The following NUP37 variants were observed in gnomAD, a reference collection of about 807,000 sequenced individuals.
The protein encoded by NUP37 is nucleoporin 37.
NUP37 carries 33 observed loss-of-function variants against 45.4 expected under a neutral mutation model. That is an observed-to-expected ratio of 0.73 (90% CI 0.55 to 0.97). NUP37 has a LOEUF of 0.97. Among genes scored for constraint, NUP37 ranks in the 50% least tolerant of loss-of-function variants. The pLI is 0.00. For synonymous variants in NUP37, 127 were observed against 130.7 expected (o/e 0.97, Z 0.19); for missense variants, 365 against 389.7 (o/e 0.94, Z 0.53).
chr12:102,086,749 G>T (rs763979594), intron 5 of NUP37, among the ~76,000 whole-genome samples: 1 of 152,166 alleles, frequency 6.6e-6, no homozygotes, highest in African/African-American at 2.4e-5. Flanking sequence ...GACAGAACTC[G>T]GTGGGAGGCT....
At chr12:102,102,213 C>T (rs908997549) in intron 3 of NUP37, among the ~76,000 whole-genome samples, 1 of 152,060 alleles carries the variant, frequency 6.6e-6, no homozygotes, top group African/African-American at 2.4e-5. Context: ...GTACAGTGAG[C>T]CATTTTTTCT....
intron 5 of NUP37, among the ~76,000 whole-genome samples, chr12:102,094,086 A>G (rs1027428951): frequency 6.6e-6 from 1 of 152,110 alleles, no homozygotes; most frequent in Admixed American, 6.5e-5. Flanking sequence ...AAAGTGATAA[A>G]TGTGTTTTAG....
chr12:102,112,018 T>C, intron 3 of NUP37, 90 bp downstream of exon 3: 1 of 1,241,598 alleles, frequency 8.1e-7, no homozygotes, highest in Non-Finnish European at 1.1e-6. Flanking sequence ...AAATGGAAAT[T>C]GAGAAAAAAG....
chr12:102,116,298 A>G (rs149216774), intron 2 of NUP37, among the ~76,000 whole-genome samples: 1,587 of 152,334 alleles, frequency 0.01, 21 homozygotes, highest in African/African-American at 0.036. Flanking sequence ...TTGCGAATAC[A>G]ATCCTATGTT....
rs746341112 is a variant in NUP37, at chr12:102,074,419, G to A, written c.916C>T (p.Arg306Ter). The A allele has an allele frequency of 5.6e-6, 9 of 1,612,970 alleles. No individual in the cohort carries two copies. Among genetic ancestry groups the A allele is most frequent in the South Asian group, 3.3e-5 (3 of 90,974 alleles). The change falls in exon 10 of 10, where the codon CGA (arginine) becomes TGA (stop). Residue 306 changes from arginine to a stop codon, truncating the protein, a stop_gained. Transcript: ENST00000552283. LOFTEE classifies it high-confidence loss of function. The part of the protein sequence containing the change: ...VAVGSGLSWH[R>*]TLPLCVIGGD... ...CCAATTACACACAGAGGGAGAGTTC[G>A]ATGCCAGGACAGTCCAGATCCAACG... is the stretch of plus-strand genomic sequence containing the variant.
chr12:102,076,153 T>C (rs1879160199), intron 8 of NUP37, among the ~76,000 whole-genome samples: 2 of 152,222 alleles, frequency 1.3e-5, no homozygotes, highest in Non-Finnish European at 1.5e-5. Flanking sequence ...CACACATCTC[T>C]GAAGTCAGGA....
chr12:102,102,733 G>A (rs1043622012), intron 3 of NUP37, among the ~76,000 whole-genome samples: 1 of 152,160 alleles, frequency 6.6e-6, no homozygotes, highest in Non-Finnish European at 1.5e-5. Context: ...TACAGTTTAA[G>A]GTCTTAAGTT....
intron 2 of NUP37, among the ~76,000 whole-genome samples, chr12:102,115,261 G>A (rs1880431527): frequency 6.6e-6 from 1 of 152,148 alleles, no homozygotes. Flanking sequence ...AAGATGCAGA[G>A]AGAACTGTGC....
chr12:102,099,032 T>TACATAA, intron 5 of NUP37, 74 bp downstream of exon 5: 1 of 996,812 alleles, frequency 1.0e-6, no homozygotes, highest in East Asian at 2.5e-5. Flanking sequence ...GTCACATTTT[T>TACATAA]TTTTCTCATT....
intron 9 of NUP37, chr12:102,074,709 C>T (rs1293973960): frequency 1.8e-5 from 8 of 439,138 alleles, no homozygotes; most frequent in Non-Finnish European, 3.2e-5. Context: ...ACCAACCAAA[C>T]AAGCAAAATT....
chr12:102,080,056 A>C (rs1031146365), intron 6 of NUP37, among the ~76,000 whole-genome samples: 7 of 152,198 alleles, frequency 4.6e-5, no homozygotes, highest in African/African-American at 1.7e-4. Flanking sequence ...TACATACACA[A>C]AACACTGTAT....
At chr12:102,098,185 C>T (rs1201700772) in intron 5 of NUP37, among the ~76,000 whole-genome samples, 2 of 152,156 alleles carry the variant, frequency 1.3e-5, no homozygotes, top group Non-Finnish European at 2.9e-5. Context: ...ACTCCTGACT[C>T]CTCAGCTTAT....
chr12:102,090,039 A>G (rs906064389), intron 5 of NUP37, among the ~76,000 whole-genome samples: 1 of 152,194 alleles, frequency 6.6e-6, no homozygotes, highest in Non-Finnish European at 1.5e-5. Flanking sequence ...ATTCAACTTT[A>G]GCAGGTAGTT....
At chr12:102,108,183 A>G (rs1308205415) in intron 3 of NUP37, among the ~76,000 whole-genome samples, 1 of 152,166 alleles carries the variant, frequency 6.6e-6, no homozygotes, top group Non-Finnish European at 1.5e-5. Flanking sequence ...CACCCTCAGG[A>G]AGACACACCC....
chr12:102,104,063 C>A (rs1297984204), intron 3 of NUP37, among the ~76,000 whole-genome samples: 2 of 152,170 alleles, frequency 1.3e-5, no homozygotes, highest in African/African-American at 4.8e-5. Context: ...ATAGCAGCTG[C>A]ACCATTGCTA....
At chr12:102,095,755 G>C (rs1879786636) in intron 5 of NUP37, among the ~76,000 whole-genome samples, 1 of 151,828 alleles carries the variant, frequency 6.6e-6, no homozygotes, top group South Asian at 2.1e-4. Context: ...TTCCTATTTT[G>C]ATTACCTGTA....
intron 2 of NUP37, among the ~76,000 whole-genome samples, chr12:102,114,360 AC>A (rs5800497): frequency 0.19 from 28,714 of 152,130 alleles, 2,746 homozygotes; most frequent in Non-Finnish European, 0.21. Context: ...AATCTCAGGG[AC>A]TGTACAGCCT....
chr12:102,100,944 T>G, intron 4 of NUP37, 88 bp downstream of exon 4: 1 of 756,026 alleles, frequency 1.3e-6, no homozygotes, highest in Non-Finnish European at 2.1e-6. Flanking sequence ...TAAAAAGCCA[T>G]TTTAAATTGG....
At chr12:102,074,602 A>G (rs991123135) in intron 9 of NUP37, 135 bp from the exon 10 acceptor site, 1 of 603,816 alleles carries the variant, frequency 1.7e-6, no homozygotes, top group Non-Finnish European at 2.9e-6. Context: ...ATGCTCCCTT[A>G]CAGGTGAAAT....
Sources: allele counts gnomAD v4.1 joint callset (sites outside exome capture counted in the v4.1 genomes callset), GRCh38; gene constraint gnomAD v4.1.1; transcripts MANE v1.5; gene names NCBI Gene and HGNC (gene_info 2026-07-23, HGNC 2026-07-21).